Variants in EYS observed in about 807,000 individuals in gnomAD.
The protein encoded by EYS is EGF-like photoreceptor maintenance factor.
EYS carries 250 observed loss-of-function variants against 282.1 expected under a neutral mutation model. The observed-to-expected ratio is 0.89, with a 90% CI of 0.80 to 0.98. The LOEUF is 0.98. Among genes scored for constraint, EYS ranks in the 50% least tolerant of loss-of-function variants. The pLI is 0.00. For missense variants in EYS, 4,016 were observed against 3,709.0 expected, an observed-to-expected ratio of 1.08 and a Z score of -2.15; for synonymous variants, 1,355 against 1,282.9, an observed-to-expected ratio of 1.06 and a Z score of -1.20.
chr6:65,224,494 C>T (rs983935559), intron 12 of EYS, among the ~76,000 whole-genome samples: 58 of 151,714 alleles, frequency 3.8e-4, no homozygotes, highest in Non-Finnish European at 1.9e-4. Flanking sequence ...AATGTTACAC[C>T]TTAAGGAATC....
At chr6:65,484,170 C>A (rs1765706217) in intron 5 of EYS, among the ~76,000 whole-genome samples, 1 of 151,838 alleles carries the variant, frequency 6.6e-6, no homozygotes, top group Non-Finnish European at 1.5e-5. Context: ...GTTACCAAAC[C>A]TTTATAGGGT....
intron 41 of EYS, among the ~76,000 whole-genome samples, chr6:63,732,412 C>A (rs1768804549): frequency 6.6e-6 from 1 of 152,022 alleles, no homozygotes; most frequent in Admixed American, 6.6e-5. Flanking sequence ...AATATTGGTG[C>A]AAGATGTCAT....
chr6:65,617,052 T>C (rs13207080), intron 2 of EYS, among the ~76,000 whole-genome samples: 17,487 of 152,218 alleles, frequency 0.11, 1,267 homozygotes, highest in South Asian at 0.21. Context: ...ACATGGATTT[T>C]TATGGAAAGG....
chr6:64,652,326 C>T (rs952649743), intron 22 of EYS, among the ~76,000 whole-genome samples: 9 of 152,068 alleles, frequency 5.9e-5, no homozygotes, highest in Non-Finnish European at 1.3e-4. Context: ...TCTGATGGGG[C>T]ACAGAAAGGG....
At position 65,402,517 on chromosome 6, in the gene EYS, T is replaced by A. The variant is rs144935927; in HGVS notation, c.1145A>T (p.Asn382Ile). 2,437 of 1,540,816 alleles carry A rather than the reference T, an allele frequency of 1.6e-3. 15 individuals carry two copies. Among genetic ancestry groups the A allele is most frequent in the South Asian group, 5.2e-3 (467 of 89,362 alleles). The change falls in exon 7 of 43, where the codon AAT (asparagine) becomes ATT (isoleucine). Residue 382 changes from asparagine to isoleucine, a missense_variant. Physicochemically the swap from Asn to Ile is moderately radical, Grantham distance 149. Coordinates refer to ENST00000503581, the MANE Select transcript of EYS (RefSeq NM_001142800.2). ...TTTCTCACATTTCTTACATGTAGCA[T>A]TATTCCTCAAAGGAAATGACTCACA... ...TSCESFPLRN[N>I]ATCKKCEKDY...
At chr6:65,218,287 T>C (rs529731195) in intron 12 of EYS, among the ~76,000 whole-genome samples, 1 of 152,258 alleles carries the variant, frequency 6.6e-6, no homozygotes, top group Non-Finnish European at 1.5e-5. Context: ...TAGGGATACA[T>C]AAGACCAACT....
intron 13 of EYS, among the ~76,000 whole-genome samples, chr6:65,043,539 T>G (rs1205441922): frequency 6.6e-6 from 1 of 151,478 alleles, no homozygotes; most frequent in African/African-American, 2.4e-5. Context: ...CAATTCCTAA[T>G]TCCCTCCTGC....
intron 31 of EYS, among the ~76,000 whole-genome samples, chr6:64,090,978 C>T (rs947269059): frequency 3.9e-5 from 6 of 152,134 alleles, no homozygotes; most frequent in African/African-American, 1.4e-4. Flanking sequence ...TTCCCTGGTC[C>T]TTCATTGGCA....
At chr6:63,835,956 A>G (rs1402273883) in intron 36 of EYS, among the ~76,000 whole-genome samples, 1 of 152,098 alleles carries the variant, frequency 6.6e-6, no homozygotes, top group Non-Finnish European at 1.5e-5. Flanking sequence ...AATTTTGGTT[A>G]TATCATGTCA....
At chr6:64,904,884 T>C (rs1424574149) in intron 16 of EYS, among the ~76,000 whole-genome samples, 1 of 152,148 alleles carries the variant, frequency 6.6e-6, no homozygotes, top group Non-Finnish European at 1.5e-5. Flanking sequence ...TAGCAACATA[T>C]GTCAATGGGT....
At chr6:64,045,456 A>AT (rs1329837116) in intron 33 of EYS, among the ~76,000 whole-genome samples, 1 of 139,628 alleles carries the variant, frequency 7.2e-6, no homozygotes, top group African/African-American at 2.7e-5. Flanking sequence ...ATTTTATTTT[A>AT]TTTTTTGAGA....
At chr6:64,568,008 C>T (rs927800565) in intron 26 of EYS, among the ~76,000 whole-genome samples, 2 of 152,166 alleles carry the variant, frequency 1.3e-5, no homozygotes, top group Non-Finnish European at 2.9e-5. Flanking sequence ...TGGAACATGG[C>T]ATTCTCCATG....
In EYS at chr6:63,745,430, G is replaced by A. The variant is rs149932214; in HGVS notation, c.8071+17031C>T. ...GAAACTGCCTCTAGAGGCTTCAAAC[G>A]AACATGGCCCTGCCAACAACTTGAA... is the stretch of plus-strand genomic sequence containing the variant. On this transcript the variant is annotated intron_variant, in intron 41 of 42. Transcript: ENST00000503581. 2.8e-4 allele frequency among the ~76,000 whole-genome samples: 42 copies of A among 152,250 alleles called. 1 individual carries two copies. The East Asian group carries it at 6.8e-3, about 24-fold the overall frequency.
At chr6:64,922,370 A>C (rs1768373880) in intron 15 of EYS, among the ~76,000 whole-genome samples, 2 of 152,222 alleles carry the variant, frequency 1.3e-5, no homozygotes, top group Admixed American at 6.5e-5. Context: ...TTAGAAAGGA[A>C]TTAGTGCAAA....
chr6:64,125,194 A>ATCTCTC (rs1562213634), intron 31 of EYS, among the ~76,000 whole-genome samples: 2 of 146,004 alleles, frequency 1.4e-5, no homozygotes, highest in African/African-American at 5.4e-5. Flanking sequence ...CTCTCTCTCA[A>ATCTCTC]GGAGTAATGA....
chr6:64,428,314 C>T (rs906764304), intron 28 of EYS, among the ~76,000 whole-genome samples: 1 of 151,912 alleles, frequency 6.6e-6, no homozygotes, highest in African/African-American at 2.4e-5. Context: ...ATAAACTATC[C>T]ACTTTCAGTT....
At chr6:63,875,446 G>A (rs1772942270) in intron 35 of EYS, among the ~76,000 whole-genome samples, 1 of 152,044 alleles carries the variant, frequency 6.6e-6, no homozygotes, top group Non-Finnish European at 1.5e-5. Context: ...TTTTTGTTGT[G>A]TCTCGGCCAG....
Position 65,638,564 on chromosome 6 carries a change from C to T in EYS, c.-333+1214G>A, listed in dbSNP as rs140830461. Among the ~76,000 whole-genome samples, 353 of 152,324 alleles carry T rather than the reference C, an allele frequency of 2.3e-3. 3 individuals carry two copies. Among genetic ancestry groups the T allele is most frequent in the African/African-American group, 7.9e-3 (330 of 41,582 alleles). ...AGCTTCTGGGTGCCACCGCAGTCCC[C>T]TCATCCAGACACAGGTGCCCACAGT... On this transcript the variant is annotated intron_variant, in intron 2 of 42. Transcript: ENST00000503581.
At chr6:65,629,632 C>T (rs1766843209) in intron 2 of EYS, among the ~76,000 whole-genome samples, 1 of 152,158 alleles carries the variant, frequency 6.6e-6, no homozygotes. Flanking sequence ...AATCTCCACA[C>T]ATCAGTCCAC....
Sources: gnomAD v4.1 joint callset for allele counts (sites outside exome capture counted in the v4.1 genomes callset) on GRCh38, gnomAD v4.1.1 for gene constraint, MANE v1.5 for transcripts, NCBI Gene and HGNC (gene_info 2026-07-23, HGNC 2026-07-21) for gene names.